The following GAS5 variants were observed in gnomAD, a reference collection of about 807,000 sequenced individuals.
GAS5 encodes growth arrest specific 5, also known as growth arrest specific 5 (non-protein coding).
chr1:173,865,195 A>T (rs891055649), intron 6 of GAS5: 6 of 76,532 alleles, frequency 7.8e-5, no homozygotes, highest in African/African-American at 3.1e-4. Flanking sequence ...ACTCTTGTCT[A>T]AAAAAAAAAA....
rs183737539 is a variant in GAS5, at chr1:173,866,128, G to A, written n.161+49C>T. 403 of 494,870 alleles carry A rather than the reference G, an allele frequency of 8.1e-4. 1 individual carries two copies. The highest frequency in any genetic ancestry group is 6.8e-3 in the African/African-American group (346 of 50,898). 30.7% of individuals were successfully genotyped at this position (494,870 alleles called of 1,614,324 possible). On this transcript the variant is annotated intron_variant and non_coding_transcript_variant, in intron 4 of 7. Transcript: ENST00000651080. ...AGGTAACTAAAAAGCCATTTGTGCCGTAGGAAGTTTGCCCAGTTACCTGCT... is the reference window on the plus strand; with the variant it reads ...AGGTAACTAAAAAGCCATTTGTGCCATAGGAAGTTTGCCCAGTTACCTGCT...
intron 1 of GAS5, chr1:173,866,865 G>T: frequency 1.3e-6 from 1 of 765,478 alleles, no homozygotes; most frequent in Non-Finnish European, 2.4e-6. Context: ...AAATATAAAT[G>T]CTGTTAACAT....
upstream of GAS5, chr1:173,867,191 A>C: frequency 1.8e-6 from 1 of 559,148 alleles, no homozygotes; most frequent in South Asian, 2.5e-5. Flanking sequence ...GATACACTTA[A>C]TGTTACAAAG....
chr1:173,867,466 C>G (rs992460260), upstream of GAS5: 3 of 358,506 alleles, frequency 8.4e-6, no homozygotes, highest in African/African-American at 6.4e-5. Flanking sequence ...TAACCGATGT[C>G]GAGCCACTGC....
chr1:173,867,147 T>A (rs1216383000), upstream of GAS5: 4 of 594,008 alleles, frequency 6.7e-6, no homozygotes, highest in Admixed American at 1.2e-4. Context: ...ATGATGCAGG[T>A]AACATACCAT....
upstream of GAS5, chr1:173,868,378 C>G (rs188282970): frequency 4.6e-5 from 7 of 153,308 alleles, no homozygotes; most frequent in Non-Finnish European, 8.7e-5. Context: ...GTGTTCCGGC[C>G]CATTCCGGCC....
At chr1:173,868,604 G>A (rs1655202227), upstream of GAS5, 1 of 152,224 alleles carries the variant, frequency 6.6e-6, no homozygotes, top group Non-Finnish European at 1.5e-5. Flanking sequence ...GCCCCCTCGC[G>A]GGGCCCCTCC....
intron 4 of GAS5, chr1:173,866,118 C>T (rs924408176): frequency 2.0e-6 from 1 of 503,138 alleles, no homozygotes; most frequent in African/African-American, 2.0e-5. Context: ...ACTAAAAAGC[C>T]ATTTGTGCCG....
upstream of GAS5, chr1:173,867,968 A>G (rs569483191): frequency 5.9e-6 from 2 of 338,712 alleles, no homozygotes; most frequent in Non-Finnish European, 1.2e-5. Flanking sequence ...ACCTCACAGG[A>G]GTCGACTCCT....
intron 6 of GAS5, chr1:173,865,356 C>T: frequency 2.0e-6 from 1 of 509,860 alleles, no homozygotes; most frequent in Non-Finnish European, 3.9e-6. Context: ...ACTACTGTTT[C>T]AGTTTAAGAT....
In GAS5 at chr1:173,866,946, CCT is replaced by C. The variant is rs749936914; in HGVS notation, n.55+43_55+44del. On this transcript the variant is annotated intron_variant and non_coding_transcript_variant, in intron 1 of 7. Coordinates refer to ENST00000651080, the Ensembl canonical transcript of GAS5. ...CTTAAAGCATCACAGGCTGAGACCA[CCT>C]CTTAGATTTCATTCTTCCCACCATA... 11 of 765,350 alleles carry C rather than the reference CCT, an allele frequency of 1.4e-5. No homozygotes were observed. The Admixed American group carries it at 1.7e-4, about 12-fold the overall frequency. 47.4% of individuals were successfully genotyped at this position (765,350 alleles called of 1,614,324 possible).
At chr1:173,866,851 C>A (rs773301995) in intron 1 of GAS5, 1 of 765,458 alleles carries the variant, frequency 1.3e-6, no homozygotes, top group East Asian at 2.4e-5. Context: ...ACAGCAGTCA[C>A]GTTAAATATA....
intron 3 of GAS5, chr1:173,866,351 A>G: frequency 3.8e-6 from 2 of 526,210 alleles, no homozygotes; most frequent in South Asian, 2.8e-5. Flanking sequence ...CTGCTGAACT[A>G]TGCAACCATC....
At chr1:173,864,403 A>G (rs759114991) in intron 6 of GAS5, 8 of 519,002 alleles carry the variant, frequency 1.5e-5, no homozygotes, top group African/African-American at 1.2e-4. Flanking sequence ...TTTTACAGTG[A>G]TATCATTATA....
chr1:173,864,719 C>G, intron 6 of GAS5: 1 of 473,300 alleles, frequency 2.1e-6, no homozygotes, highest in South Asian at 1.5e-5. Flanking sequence ...AATTAAGGGA[C>G]AATACACAGT....
chr1:173,868,063 C>G (rs1487036997), upstream of GAS5: 2 of 170,792 alleles, frequency 1.2e-5, no homozygotes, highest in Non-Finnish European at 2.6e-5. Flanking sequence ...CGGCAGCGTC[C>G]GCTTCGGCTC....
At chr1:173,867,624 G>GCT (rs1030668077), upstream of GAS5, 2 of 518,370 alleles carry the variant, frequency 3.9e-6, no homozygotes, top group African/African-American at 1.9e-5. Flanking sequence ...GCTGATGGAG[G>GCT]CTCGGGTCAC....
upstream of GAS5, chr1:173,867,997 G>A (rs1236937848): frequency 1.6e-5 from 5 of 322,486 alleles, no homozygotes; most frequent in South Asian, 4.9e-5. Context: ...AAGACAGTAT[G>A]GTGCCTGGGC....
intron 7 of GAS5, chr1:173,863,998 G>A (rs2102672765): frequency 3.0e-6 from 1 of 336,446 alleles, no homozygotes; most frequent in Admixed American, 3.7e-5. Context: ...GGGAGGCTGA[G>A]GATCACTTGA....
Sources: gnomAD v4.1 joint callset for allele counts on GRCh38, gnomAD v4.1.1 for gene constraint, MANE v1.5 for transcripts, NCBI Gene and HGNC (gene_info 2026-07-23, HGNC 2026-07-21) for gene names.